Variants in ROR2 observed in about 807,000 individuals in gnomAD.
The protein encoded by ROR2 is tyrosine-protein kinase transmembrane receptor ROR2.
A neutral mutation model predicts 74.9 loss-of-function variants in ROR2; 33 were observed. That is an observed-to-expected ratio of 0.44 (90% CI 0.33 to 0.59). The LOEUF (loss-of-function observed/expected upper bound fraction) is 0.59. Ranked by LOEUF, ROR2 falls within the 20% of genes least tolerant of loss-of-function variation. The probability of loss-of-function intolerance (pLI) is 0.02; values close to 1 mark genes in which losing one functional copy is unlikely to be tolerated. For missense variants in ROR2, 1,216 were observed against 1,313.8 expected (o/e 0.93, Z 1.15); for synonymous variants, 586 against 558.7 (o/e 1.05, Z -0.69).
chr9:91,882,141 G>A (rs1426604314), intron 1 of ROR2, among the ~76,000 whole-genome samples: 1 of 152,044 alleles, frequency 6.6e-6, no homozygotes, highest in Non-Finnish European at 1.5e-5. Context: ...GCCAGGCACG[G>A]TGGATCATGC....
At chr9:91,731,493 C>T (rs972012253) in intron 6 of ROR2, among the ~76,000 whole-genome samples, 1 of 152,196 alleles carries the variant, frequency 6.6e-6, no homozygotes, top group Non-Finnish European at 1.5e-5. Flanking sequence ...GCCAACTGTG[C>T]AAGCAAGAAG....
At chr9:91,807,580 G>C (rs189169315) in intron 1 of ROR2, among the ~76,000 whole-genome samples, 94 of 152,326 alleles carry the variant, frequency 6.2e-4, no homozygotes, top group Admixed American at 2.3e-3. Context: ...ACCTAGACTT[G>C]CAACTGGTGG....
intron 1 of ROR2, chr9:91,948,988 G>T: frequency 3.3e-5 from 31 of 930,678 alleles, no homozygotes; most frequent in Non-Finnish European, 4.0e-5. Flanking sequence ...CCTCCCCGCC[G>T]TTCCTCTGCG....
chr9:91,820,001 T>G (rs1407410061), intron 1 of ROR2, among the ~76,000 whole-genome samples: 2 of 152,168 alleles, frequency 1.3e-5, no homozygotes, highest in African/African-American at 4.8e-5. Context: ...TACCCGTGTG[T>G]GTCTGTGTGT....
chr9:91,755,818 G>A, intron 4 of ROR2: 1 of 591,878 alleles, frequency 1.7e-6, no homozygotes, highest in South Asian at 2.0e-5. Context: ...CCTCTCAGTA[G>A]CCCTGTGTAA....
chr9:91,937,029 C>CAAAGAAAAAA (rs1831716946), intron 1 of ROR2, among the ~76,000 whole-genome samples: 1 of 65,660 alleles, frequency 1.5e-5, no homozygotes. Context: ...GACTCCGTCT[C>CAAAGAAAAAA]AAAAAAAAAA....
chr9:91,741,081 C>A (rs1324166868), intron 4 of ROR2, among the ~76,000 whole-genome samples: 1 of 152,092 alleles, frequency 6.6e-6, no homozygotes, highest in Non-Finnish European at 1.5e-5. Context: ...GTGGGTGGAT[C>A]ATGAGGTCAG....
At chr9:91,933,745 C>T (rs549758957) in intron 1 of ROR2, among the ~76,000 whole-genome samples, 3 of 152,258 alleles carry the variant, frequency 2.0e-5, no homozygotes, top group African/African-American at 7.2e-5. Flanking sequence ...CACAAAAGGC[C>T]ACATACTGCA....
intron 1 of ROR2, among the ~76,000 whole-genome samples, chr9:91,819,271 AC>A (rs1243776642): frequency 6.6e-6 from 1 of 151,636 alleles, no homozygotes; most frequent in Non-Finnish European, 1.5e-5. Context: ...GCTGACCCCC[AC>A]CCCCAGGCTC....
intron 1 of ROR2, among the ~76,000 whole-genome samples, chr9:91,922,124 C>A (rs1831285068): frequency 1.4e-5 from 2 of 140,048 alleles, no homozygotes; most frequent in Admixed American, 1.4e-4. Flanking sequence ...ACAACAACAA[C>A]AAACAACAAC....
intron 3 of ROR2, among the ~76,000 whole-genome samples, chr9:91,756,768 G>C (rs1163291907): frequency 3.0e-5 from 1 of 33,862 alleles, no homozygotes; most frequent in Non-Finnish European, 7.2e-5. Context: ...TTTTTTTTTT[G>C]AGACAGAGTT....
At chr9:91,872,741 G>GCT (rs1360496646) in intron 1 of ROR2, among the ~76,000 whole-genome samples, 1 of 152,220 alleles carries the variant, frequency 6.6e-6, no homozygotes, top group African/African-American at 2.4e-5. Context: ...TCCCTTAGCA[G>GCT]CTCTTCAGTA....
At chr9:91,933,804 GA>G (rs1486737327) in intron 1 of ROR2, among the ~76,000 whole-genome samples, 1 of 152,206 alleles carries the variant, frequency 6.6e-6, no homozygotes, top group Non-Finnish European at 1.5e-5. Context: ...CACAGGGAGA[GA>G]AAGTAGATTA....
chr9:91,887,593 AT>A (rs1830318142), intron 1 of ROR2, among the ~76,000 whole-genome samples: 1 of 152,150 alleles, frequency 6.6e-6, no homozygotes, highest in Non-Finnish European at 1.5e-5. Context: ...TGTTATGAAC[AT>A]TCCCCTTATG....
rs188831358 is a variant in ROR2, at chr9:91,949,128, C to T, written c.97+739G>A. Among the ~76,000 whole-genome samples, 279 of 151,116 alleles carry T rather than the reference C, an allele frequency of 1.8e-3. 4 individuals are homozygous for T. Among genetic ancestry groups the T allele is most frequent in the Admixed American group, 3.0e-3 (46 of 15,252 alleles). On this transcript the variant is annotated intron_variant, in intron 1 of 8. Coordinates refer to ENST00000375708, the MANE Select transcript of ROR2 (RefSeq NM_004560.4). Reference sequence around the variant, plus strand: ...CTACAGGTCCCGGGGGTCCCCCCGGCGCGGCCAGAAGGCGGCCGCGCCCCA... The same window carrying T: ...CTACAGGTCCCGGGGGTCCCCCCGGTGCGGCCAGAAGGCGGCCGCGCCCCA...
chr9:91,820,259 G>A (rs964751000), intron 1 of ROR2, among the ~76,000 whole-genome samples: 2 of 152,242 alleles, frequency 1.3e-5, no homozygotes, highest in Non-Finnish European at 2.9e-5. Flanking sequence ...TGTTTCTCCT[G>A]AGGCTCCAAG....
intron 1 of ROR2, among the ~76,000 whole-genome samples, chr9:91,841,549 A>C (rs952839952): frequency 5.3e-5 from 8 of 152,258 alleles, no homozygotes; most frequent in Admixed American, 1.3e-4. Flanking sequence ...AATGTTTTAA[A>C]TCTAACCATC....
At chr9:91,865,464 TG>T (rs1386201243) in intron 1 of ROR2, among the ~76,000 whole-genome samples, 1 of 152,234 alleles carries the variant, frequency 6.6e-6, no homozygotes, top group East Asian at 1.9e-4. Flanking sequence ...ACCAAAACAT[TG>T]GCTTTGTAGG....
chr9:91,833,727 C>A (rs887019446), intron 1 of ROR2, among the ~76,000 whole-genome samples: 3 of 152,130 alleles, frequency 2.0e-5, no homozygotes, highest in African/African-American at 7.2e-5. Context: ...TCCCTGGGGC[C>A]TCAACACGCA....
Sources: gnomAD v4.1 joint callset for allele counts (sites outside exome capture counted in the v4.1 genomes callset) on GRCh38, gnomAD v4.1.1 for gene constraint, MANE v1.5 for transcripts, NCBI Gene and HGNC (gene_info 2026-07-23, HGNC 2026-07-21) for gene names.